MCF2L2: variants seen among roughly 807,000 people sequenced by gnomAD.
MCF2L2 encodes the protein probable guanine nucleotide exchange factor MCF2L2.
A neutral mutation model predicts 150.2 loss-of-function variants in MCF2L2; 102 were observed. That is an observed-to-expected ratio of 0.68 (90% confidence interval 0.58 to 0.80). The LOEUF is 0.80. Ranked by LOEUF, MCF2L2 falls within the 30% of genes least tolerant of loss-of-function variation. The pLI is 0.00. For synonymous variants in MCF2L2, 465 were observed against 491.3 expected (o/e 0.95, Z 0.71); for missense variants, 1,256 against 1,372.8 (o/e 0.91, Z 1.34).
At chr3:183,272,068 T>C (rs1050050892) in intron 15 of MCF2L2, 1 of 788,350 alleles carries the variant, frequency 1.3e-6, no homozygotes. Context: ...GAGGTGATCT[T>C]TATTTTCTAA....
At chr3:183,334,834 A>G (rs9876124) in intron 5 of MCF2L2, among the ~76,000 whole-genome samples, 38,269 of 149,646 alleles carry the variant, frequency 0.26, 7,091 homozygotes, top group African/African-American at 0.52. Context: ...GCCAGGCACA[A>G]TGGCTCATGC....
intron 13 of MCF2L2, among the ~76,000 whole-genome samples, chr3:183,293,406 T>C (rs191083957): frequency 1.3e-5 from 2 of 152,366 alleles, no homozygotes; most frequent in East Asian, 3.9e-4. Context: ...ATTCCAAGGA[T>C]GTACAGTTGT....
intron 2 of MCF2L2, among the ~76,000 whole-genome samples, chr3:183,385,419 C>T (rs185908133): frequency 5.6e-4 from 85 of 152,264 alleles, no homozygotes; most frequent in African/African-American, 2.0e-3. Context: ...CTCCCACTCA[C>T]CCCTGGGAGC....
intron 10 of MCF2L2, among the ~76,000 whole-genome samples, chr3:183,303,675 C>G (rs1395741143): frequency 1.3e-5 from 2 of 152,194 alleles, no homozygotes; most frequent in African/African-American, 4.8e-5. Flanking sequence ...ACTGTCTGCT[C>G]AGGCCTCATG....
intron 15 of MCF2L2, among the ~76,000 whole-genome samples, chr3:183,249,238 G>T (rs79799257): frequency 6.6e-6 from 1 of 152,156 alleles, no homozygotes; most frequent in African/African-American, 2.4e-5. Context: ...TATGCTTCCG[G>T]GAGTGTGGAG....
intron 3 of MCF2L2, 75 bp from the exon 4 acceptor site, chr3:183,341,705 A>C (rs1426762807): frequency 3.9e-6 from 4 of 1,015,430 alleles, no homozygotes; most frequent in Non-Finnish European, 6.3e-6. Context: ...AGCAGAATAC[A>C]CCCTGAAGCC....
intron 2 of MCF2L2, among the ~76,000 whole-genome samples, chr3:183,379,755 T>C (rs1186265614): frequency 3.3e-5 from 5 of 152,182 alleles, no homozygotes; most frequent in Non-Finnish European, 1.5e-5. Flanking sequence ...AAAAGTAATA[T>C]TGCATGGTGG....
intron 26 of MCF2L2, among the ~76,000 whole-genome samples, chr3:183,193,410 G>A (rs920265900): frequency 6.7e-6 from 1 of 148,712 alleles, no homozygotes; most frequent in East Asian, 2.0e-4. Context: ...GAGTGCAGTG[G>A]CGCAATCTTG....
At chr3:183,427,848 G>A in intron 1 of MCF2L2, 54 bp downstream of exon 1, 1 of 1,478,002 alleles carries the variant, frequency 6.8e-7, no homozygotes, top group Non-Finnish European at 9.5e-7. Context: ...GAAGCCCAGA[G>A]ACCATCCTCA....
At chr3:183,293,347 A>C (rs1255550175) in intron 13 of MCF2L2, among the ~76,000 whole-genome samples, 2 of 152,246 alleles carry the variant, frequency 1.3e-5, no homozygotes, top group African/African-American at 4.8e-5. Context: ...AGAGGTCCAC[A>C]ATACACGACA....
intron 15 of MCF2L2, among the ~76,000 whole-genome samples, chr3:183,240,660 AT>A (rs1723979976): frequency 6.6e-6 from 1 of 152,174 alleles, no homozygotes; most frequent in Admixed American, 6.5e-5. Flanking sequence ...GTAAAACCAG[AT>A]TTACACATCA....
At chr3:183,396,008 C>T (rs1217062020) in intron 1 of MCF2L2, among the ~76,000 whole-genome samples, 2 of 150,394 alleles carry the variant, frequency 1.3e-5, no homozygotes, top group Non-Finnish European at 3.0e-5. Flanking sequence ...CTCGTGGCAC[C>T]GCCTGCCCAG....
intron 5 of MCF2L2, among the ~76,000 whole-genome samples, chr3:183,337,568 A>AAAAAG (rs1560028233): frequency 1.3e-5 from 2 of 150,962 alleles, no homozygotes; most frequent in Non-Finnish European, 1.5e-5. Flanking sequence ...AAAAAAAAAA[A>AAAAAG]AAGAAGAAAA....
At chr3:183,203,448 T>A (rs1299875894) in intron 25 of MCF2L2, among the ~76,000 whole-genome samples, 3 of 152,146 alleles carry the variant, frequency 2.0e-5, no homozygotes, top group Admixed American at 6.6e-5. Flanking sequence ...AATGAGAAAT[T>A]CACTAGAGTG....
chr3:183,269,844 A>G (rs1165652106), intron 15 of MCF2L2: 2 of 1,612,854 alleles, frequency 1.2e-6, no homozygotes, highest in Admixed American at 3.3e-5. Context: ...ATGGCAGTTA[A>G]TTATTCAGTT....
chr3:183,301,667 C>A (rs927949558), intron 10 of MCF2L2, among the ~76,000 whole-genome samples: 3 of 151,924 alleles, frequency 2.0e-5, no homozygotes, highest in Non-Finnish European at 2.9e-5. Flanking sequence ...TGGCAGCATG[C>A]GCCGATAGTC....
chr3:183,329,194 C>T (rs949593275), intron 5 of MCF2L2, among the ~76,000 whole-genome samples: 3 of 152,154 alleles, frequency 2.0e-5, no homozygotes, highest in Non-Finnish European at 4.4e-5. Flanking sequence ...TTTATAGCAG[C>T]TTTATTCTTT....
chr3:183,326,188 TA>T (rs1730017908), intron 5 of MCF2L2, among the ~76,000 whole-genome samples: 1 of 152,116 alleles, frequency 6.6e-6, no homozygotes, highest in East Asian at 1.9e-4. Context: ...ATTGATTTTT[TA>T]AACTTTTTAT....
chr3:183,270,191 A>G lies in MCF2L2; in HGVS notation c.1862+6681T>C. 1 of 1,614,208 alleles carries G rather than the reference A, an allele frequency of 6.2e-7. No individual in the cohort carries two copies. The highest frequency in any genetic ancestry group is 1.3e-5 in the African/African-American group (1 of 75,066). ...CCAACATCAAAACTCTGTTTGCCTT[A>G]GGAACTCCTAATCCACTGGAGGGAG... is the stretch of plus-strand genomic sequence containing the variant. On this transcript the variant is annotated intron_variant, in intron 15 of 29. Transcript: ENST00000328913. The surrounding 1 kb of genome is among the most constrained non-coding windows in gnomAD (Gnocchi z 4.5).
Sources: allele counts gnomAD v4.1 joint callset (sites outside exome capture counted in the v4.1 genomes callset), GRCh38; gene constraint gnomAD v4.1.1; non-coding constraint Gnocchi (gnomAD v3.1); transcripts MANE v1.5; gene names NCBI Gene and HGNC (gene_info 2026-07-23, HGNC 2026-07-21).